Variants in PRAMEF10 observed in about 807,000 individuals in gnomAD.
The protein encoded by PRAMEF10 is PRAME family member 10.
A neutral mutation model predicts 27.7 loss-of-function variants in PRAMEF10; 4 were observed. That is an observed-to-expected ratio of 0.14 (90% CI 0.07 to 0.33). The LOEUF is 0.33. Among genes scored for constraint, PRAMEF10 ranks in the 10% least tolerant of loss-of-function variants. The probability of loss-of-function intolerance (pLI) is 1.00; values close to 1 mark genes in which losing one functional copy is unlikely to be tolerated. For synonymous variants in PRAMEF10, 46 were observed against 176.0 expected, an observed-to-expected ratio of 0.26 and a Z score of 5.85; for missense variants, 99 against 453.9, an observed-to-expected ratio of 0.22 and a Z score of 7.10.
chr1:12,894,103 C>T (rs1171624845), intron 3 of PRAMEF10, among the ~76,000 whole-genome samples: 23 of 150,916 alleles, frequency 1.5e-4, no homozygotes, highest in African/African-American at 3.9e-4. Context: ...TTAGTAGAGA[C>T]GGGGATTCAC....
chr1:12,895,978 CA>C (rs1641204007), intron 1 of PRAMEF10, 106 bp from the exon 2 acceptor site: 1 of 388,220 alleles, frequency 2.6e-6, no homozygotes, highest in Non-Finnish European at 4.7e-6. Context: ...AAAGAGCCCT[CA>C]GTTTACTCCA....
Position 12,894,896 on chromosome 1 carries a change from G to C in PRAMEF10, c.556C>G (p.Gln186Glu). The C allele has an allele frequency of 7.7e-7, 1 of 1,306,164 alleles. No individual in the cohort carries two copies. Among genetic ancestry groups the C allele is most frequent in the Non-Finnish European group, 1.1e-6 (1 of 926,754 alleles). 80.9% of individuals were successfully genotyped at this position (1,306,164 alleles called of 1,614,324 possible). A position where few individuals can be genotyped will look rare whatever the true frequency, so the allele number is the denominator to read the frequency against. Residue 186 changes from glutamine (Q) to glutamate (E), a missense_variant, in exon 3 of 4, where the codon CAG becomes GAG. By Grantham distance (29) the Gln-to-Glu change is conservative. Coordinates refer to ENST00000235347, the MANE Select transcript of PRAMEF10 (RefSeq NM_001039361.4). ...CTTGAAGTGGGCATTGAGTAATTCT[G>C]CACCTTACTACAACACAGGTGCACT... ...GLVHLCCSKV[Q>E]NYSMPTSSFR...
chr1:12,897,140 T>TA (rs1178825849), intron 1 of PRAMEF10, among the ~76,000 whole-genome samples: 10 of 69,618 alleles, frequency 1.4e-4, no homozygotes, highest in Admixed American at 3.8e-4. Context: ...CTGGGTGGTA[T>TA]AATTTAATTT....
rs1641159947 is a variant in PRAMEF10 at position 12,893,355 on chromosome 1, T to C, written c.986A>G (p.His329Arg). The part of the protein sequence containing the change: ...LSQLKELRLI[H>R]ILMWTTNLEP... ...AAGATTGGTGGTCCACATTAGGATA[T>C]GAATCAGACGCAGCTCCTTTAGCTG... The change falls in exon 4 of 4, where the codon CAT becomes CGT. Residue 329 changes from histidine to arginine, a missense_variant. His to Arg is a conservative substitution (Grantham distance 29). Transcript: ENST00000235347. 1 of 1,611,608 alleles carries C rather than the reference T, an allele frequency of 6.2e-7. No homozygotes were observed. Among genetic ancestry groups the C allele is most frequent in the South Asian group, 1.1e-5 (1 of 90,944 alleles).
At chr1:12,894,014 C>T (rs1325511937) in intron 3 of PRAMEF10, among the ~76,000 whole-genome samples, 1 of 147,282 alleles carries the variant, frequency 6.8e-6, no homozygotes, top group African/African-American at 2.5e-5. Context: ...GCAGCCTCCA[C>T]TTCCCTTGCC....
chr1:12,893,522 A>AG, intron 3 of PRAMEF10, 48 bp from the exon 4 acceptor site: 1 of 1,416,794 alleles, frequency 7.1e-7, no homozygotes, highest in Non-Finnish European at 9.8e-7. Flanking sequence ...CAGTTAGAGG[A>AG]GGGGGGTGGG....
chr1:12,894,921 T>C lies in PRAMEF10; in HGVS notation c.531A>G (p.Leu177=), dbSNP rs2100444228. The C allele has an allele frequency of 7.0e-7, 1 of 1,436,418 alleles. No individual in the cohort carries two copies. The highest frequency in any genetic ancestry group is 1.2e-5 in the South Asian group (1 of 84,930). The allele number at this position is 1,436,418 out of a possible 1,614,324, so 89.0% of individuals were successfully genotyped here. Residue 177 remains leucine (L), a synonymous_variant, in exon 3 of 4, where the codon CTA becomes CTG. Transcript: ENST00000235347. ...GCACCTTACTACAACACAGGTGCAC[T>C]AGGCCTCTTCTGTAGTGGATCCACC... is the stretch of plus-strand genomic sequence containing the variant. ...LFGWIHYRRG[L]VHLCCSKVQN... is the part of the protein sequence containing the mutation.
At chr1:12,894,066 T>C (rs1641171671) in intron 3 of PRAMEF10, among the ~76,000 whole-genome samples, 1 of 150,180 alleles carries the variant, frequency 6.7e-6, no homozygotes, top group Admixed American at 6.7e-5. Context: ...CCTGTCTGCA[T>C]GCCCGGTGAC....
At chr1:12,897,810 T>A (rs1453898670) in intron 1 of PRAMEF10, among the ~76,000 whole-genome samples, 1 of 149,398 alleles carries the variant, frequency 6.7e-6, no homozygotes, top group African/African-American at 2.5e-5. Context: ...TGATTTGAGA[T>A]CGTGCCACTG....
chr1:12,893,248 G>C lies in PRAMEF10; in HGVS notation c.1093C>G (p.Gln365Glu). Residue 365 changes from glutamine to glutamate, a missense_variant, in exon 4 of 4, where the codon CAA becomes GAA. Physicochemically the swap from Gln to Glu is conservative, Grantham distance 29 (BLOSUM62 2). Coordinates refer to ENST00000235347, the MANE Select transcript of PRAMEF10 (RefSeq NM_001039361.4). ...VLKDCRIQDP[Q>E]LRVLLPALSH... is the part of the protein sequence containing the mutation. ...AGGGCAGGCAGGAGGACCCTGAGTT[G>C]GGGGTCCTGGATCCGACAGTCCTTT... 6.2e-7 allele frequency: 1 copy of C among 1,609,976 alleles called. No homozygotes were observed. The highest frequency in any genetic ancestry group is 1.1e-5 in the South Asian group (1 of 90,880).
chr1:12,895,494 T>C, intron 2 of PRAMEF10, 67 bp downstream of exon 2: 1 of 668,334 alleles, frequency 1.5e-6, no homozygotes, highest in Non-Finnish European at 2.1e-6. Context: ...CCACTACTCC[T>C]CCTGAGCCAG....
rs1641159194 is a variant in PRAMEF10 at position 12,893,332 on chromosome 1, G to T, written c.1009C>A (p.Leu337Ile). The T allele has an allele frequency of 6.2e-7, 1 of 1,611,788 alleles. No individual in the cohort carries two copies. Among genetic ancestry groups the T allele is most frequent in the Non-Finnish European group, 8.5e-7 (1 of 1,179,840 alleles). Residue 337 changes from leucine to isoleucine, a missense_variant, in exon 4 of 4, where the codon CTT (leucine) becomes ATT (isoleucine). Physicochemically the swap from Leu to Ile is conservative, Grantham distance 5 (BLOSUM62 2). Coordinates refer to ENST00000235347, the MANE Select transcript of PRAMEF10 (RefSeq NM_001039361.4). ...LIHILMWTTN[L>I]EPLGVLLEKV... ...TCCAGCAGAACTCCAAGGGGCTCAA[G>T]ATTGGTGGTCCACATTAGGATATGA...
At chr1:12,894,431 A>AGCACTGAAGAGCATAATGAGTTG (rs1641176386) in intron 3 of PRAMEF10, among the ~76,000 whole-genome samples, 155 bp downstream of exon 3, 1 of 149,228 alleles carries the variant, frequency 6.7e-6, no homozygotes, top group Admixed American at 6.8e-5. Context: ...CAGGATATAG[A>AGCACTGAAGAGCATAATGAGTTG]GCACTGAAGA....
At chr1:12,894,481 CAT>C in intron 3 of PRAMEF10, 103 bp downstream of exon 3, 1 of 550,076 alleles carries the variant, frequency 1.8e-6, no homozygotes, top group South Asian at 2.1e-5. Context: ...TTCCCTATGA[CAT>C]CACCGGTGGC....
intron 3 of PRAMEF10, among the ~76,000 whole-genome samples, chr1:12,894,178 G>A (rs1214596807): frequency 1.3e-5 from 2 of 149,272 alleles, no homozygotes; most frequent in Non-Finnish European, 3.0e-5. Flanking sequence ...CTCCCGAAGT[G>A]CTGGGATTAC....
chr1:12,896,060 AC>A lies in PRAMEF10; in HGVS notation c.-25-189del, dbSNP rs1207512543. The stretch of plus-strand genomic sequence containing the variant: ...CTGGTACCAAGAAGAGTGTGTCCCA[AC>A]CTCTAAAGAGCAGGCAAGATCCTTC... On this transcript the variant is annotated intron_variant, in intron 1 of 3. Coordinates refer to ENST00000235347, the MANE Select transcript of PRAMEF10 (RefSeq NM_001039361.4). 6.8e-5 allele frequency among the ~76,000 whole-genome samples: 10 copies of A among 146,874 alleles called. 1 individual carries two copies.
chr1:12,892,953 C>T lies in PRAMEF10; in HGVS notation c.1388G>A (p.Trp463Ter), dbSNP rs759536803. Reference sequence around the variant, plus strand: ...ATGGAAGTCCACTTTCTCAGATGGCCATGAGCCACAGTTAGGGCAAGGGAC... The same window carrying T: ...ATGGAAGTCCACTTTCTCAGATGGCTATGAGCCACAGTTAGGGCAAGGGAC... ...GPVPCPNCGS[W>*]PSEKVDFHLC... Residue 463 changes from tryptophan (W) to a stop codon, truncating the protein, a stop_gained, in exon 4 of 4, where the codon TGG becomes TAG. Transcript: ENST00000235347. LOFTEE classifies it high-confidence loss of function. 5.1e-6 allele frequency: 8 copies of T among 1,571,430 alleles called. No homozygotes were observed. The highest frequency in any genetic ancestry group is 1.7e-5 in the Admixed American group (1 of 57,468).
chr1:12,894,157 C>T (rs1464569669), intron 3 of PRAMEF10, among the ~76,000 whole-genome samples: 11 of 150,090 alleles, frequency 7.3e-5, no homozygotes, highest in Non-Finnish European at 1.3e-4. Context: ...TCATGATCTC[C>T]CTGCCTTGGC....
At chr1:12,897,687 C>T (rs549861813) in intron 1 of PRAMEF10, among the ~76,000 whole-genome samples, 3 of 149,200 alleles carry the variant, frequency 2.0e-5, no homozygotes, top group African/African-American at 7.6e-5. Flanking sequence ...TGAAACCCCA[C>T]CTCTACTAAA....
Sources: gnomAD v4.1 joint callset for allele counts (sites outside exome capture counted in the v4.1 genomes callset) on GRCh38, gnomAD v4.1.1 for gene constraint, MANE v1.5 for transcripts, NCBI Gene and HGNC (gene_info 2026-07-23, HGNC 2026-07-21) for gene names.